The following NECAP1 variants were observed in gnomAD, a reference collection of about 807,000 sequenced individuals.
The protein encoded by NECAP1 is NECAP endocytosis associated 1.
NECAP1 carries 13 observed loss-of-function variants against 33.4 expected under a neutral mutation model. The ratio of observed to expected loss-of-function variants is 0.39; its 90% CI spans 0.25 to 0.62. The LOEUF (loss-of-function observed/expected upper bound fraction) is 0.62. Ranked by LOEUF, NECAP1 falls within the 20% of genes least tolerant of loss-of-function variation. The probability of loss-of-function intolerance (pLI) is 0.52; values close to 1 mark genes in which losing one functional copy is unlikely to be tolerated. For missense variants in NECAP1, 272 were observed against 347.4 expected, an observed-to-expected ratio of 0.78 and a Z score of 1.73; for synonymous variants, 109 against 125.2, an observed-to-expected ratio of 0.87 and a Z score of 0.86.
intron 1 of NECAP1, among the ~76,000 whole-genome samples, chr12:8,088,386 A>G (rs746517425): frequency 6.6e-6 from 1 of 152,154 alleles, no homozygotes; most frequent in Non-Finnish European, 1.5e-5. Context: ...CTTGGCTTCT[A>G]TCCCCTATCT....
At position 8,087,858 on chromosome 12, in the gene NECAP1, G is replaced by A. The variant is rs577592539; in HGVS notation, c.96-2078G>A. 8.5e-5 allele frequency among the ~76,000 whole-genome samples: 13 copies of A among 152,180 alleles called. No individual in the cohort carries two copies. The South Asian group carries it at 2.7e-3, about 32-fold the overall frequency. ...GAATCAAGAGGGAAGAGAATGGGAAGGACTTATTTTACAGATCCTGTTCAA... is the reference window on the plus strand; with the variant it reads ...GAATCAAGAGGGAAGAGAATGGGAAAGACTTATTTTACAGATCCTGTTCAA... On this transcript the variant is annotated intron_variant, in intron 1 of 7. Coordinates refer to ENST00000339754, the MANE Select transcript of NECAP1 (RefSeq NM_015509.4).
Position 8,093,027 on chromosome 12 carries a change from G to A in NECAP1, c.648G>A (p.Pro216=), listed in dbSNP as rs370869772. The A allele has an allele frequency of 2.7e-5, 43 of 1,613,732 alleles. No individual in the cohort carries two copies. The highest frequency in any genetic ancestry group is 1.6e-4 in the East Asian group (7 of 44,868). ...ATCATGTCACCCCACCACCCATTCC[G>A]AAATCTAACCATGGAGGCAGTGATG... is the stretch of plus-strand genomic sequence containing the variant. ...ISNHVTPPPI[P]KSNHGGSDAD... is the part of the protein sequence containing the mutation. Residue 216 remains proline, a synonymous_variant, in exon 6 of 8, where the codon CCG becomes CCA. Coordinates refer to ENST00000339754, the MANE Select transcript of NECAP1 (RefSeq NM_015509.4).
At chr12:8,095,215 C>G (rs1947583440) in intron 6 of NECAP1, 2 of 171,810 alleles carry the variant, frequency 1.2e-5, no homozygotes, top group South Asian at 2.3e-4. Flanking sequence ...TTTGTGCAAA[C>G]ATAAATTCTC....
intron 1 of NECAP1, among the ~76,000 whole-genome samples, chr12:8,084,581 T>C (rs1168790950): frequency 6.6e-6 from 1 of 152,032 alleles, no homozygotes; most frequent in East Asian, 1.9e-4. Flanking sequence ...TGTGTGTTGT[T>C]CCCCTCCCTG....
intron 1 of NECAP1, among the ~76,000 whole-genome samples, chr12:8,086,887 C>T (rs569067158): frequency 6.6e-5 from 10 of 151,632 alleles, no homozygotes; most frequent in Non-Finnish European, 8.8e-5. Flanking sequence ...GCCAAGATCG[C>T]GCCATTGCAC....
chr12:8,088,034 CTT>C (rs958610179), intron 1 of NECAP1, among the ~76,000 whole-genome samples: 3 of 152,066 alleles, frequency 2.0e-5, no homozygotes, highest in Admixed American at 6.6e-5. Flanking sequence ...TTATTAATAA[CTT>C]TTACTTTGCT....
intron 1 of NECAP1, among the ~76,000 whole-genome samples, chr12:8,084,833 C>A (rs956583317): frequency 3.3e-5 from 5 of 152,066 alleles, no homozygotes; most frequent in African/African-American, 1.2e-4. Flanking sequence ...GTATCTGGTA[C>A]ACTTTGGGCA....
Position 8,089,976 on chromosome 12 carries a change from C to T in NECAP1, c.136C>T (p.Arg46Cys), listed in dbSNP as rs202044480. The T allele has an allele frequency of 4.2e-5, 68 of 1,613,972 alleles. No individual in the cohort carries two copies. Among genetic ancestry groups the T allele is most frequent in the Non-Finnish European group, 5.6e-5 (66 of 1,180,042 alleles). Residue 46 changes from arginine to cysteine, a missense_variant, in exon 2 of 8, where the codon CGC becomes TGC. By Grantham distance (180) the Arg-to-Cys change is radical. Coordinates refer to ENST00000339754, the MANE Select transcript of NECAP1 (RefSeq NM_015509.4). ...WKLDQPDWTGRLRITSKGKTA... is the reference protein window; with the variant it reads ...WKLDQPDWTGCLRITSKGKTA... ...ATTAGACCAGCCTGATTGGACTGGT[C>T]GCCTCCGAATCACTTCAAAAGGGAA... is the stretch of plus-strand genomic sequence containing the variant.
intron 1 of NECAP1, among the ~76,000 whole-genome samples, chr12:8,087,250 T>C (rs1947499907): frequency 7.1e-6 from 1 of 139,952 alleles, no homozygotes. Flanking sequence ...TGAATCATCA[T>C]AGTGGTTTTT....
chr12:8,091,988 C>A (rs144622788), intron 4 of NECAP1, 138 bp downstream of exon 4: 3 of 762,046 alleles, frequency 3.9e-6, no homozygotes, highest in East Asian at 2.7e-5. Flanking sequence ...TCTCCCCATT[C>A]ACTTTTGTTT....
At chr12:8,085,691 T>C (rs879477514) in intron 1 of NECAP1, among the ~76,000 whole-genome samples, 40,318 of 110,200 alleles carry the variant, frequency 0.37, 6,540 homozygotes, top group Middle Eastern at 0.46. Context: ...ATCTTCTTTT[T>C]TTTTTTTTTT....
Position 8,096,188 on chromosome 12 carries a change from A to C in NECAP1, c.*98A>C, listed in dbSNP as rs1191446917. On this transcript the variant is annotated 3_prime_UTR_variant, in exon 8 of 8. Coordinates refer to ENST00000339754, the MANE Select transcript of NECAP1 (RefSeq NM_015509.4). The stretch of plus-strand genomic sequence containing the variant: ...AGTTAGGAACCCATTTCCTCCCCAG[A>C]ACCAGAATGACTGGACAATCTTTTT... The C allele has an allele frequency of 8.1e-7, 1 of 1,231,274 alleles. No homozygotes were observed. Among genetic ancestry groups the C allele is most frequent in the Admixed American group, 2.0e-5 (1 of 49,266 alleles). 76.3% of individuals were successfully genotyped at this position (1,231,274 alleles called of 1,614,324 possible). A position where few individuals can be genotyped will look rare whatever the true frequency, so the allele number is the denominator to read the frequency against.
chr12:8,084,134 C>G (rs2120456258), intron 1 of NECAP1, among the ~76,000 whole-genome samples: 1 of 152,250 alleles, frequency 6.6e-6, no homozygotes, highest in Non-Finnish European at 1.5e-5. Flanking sequence ...AAGTTACCCT[C>G]TCCTTATGTC....
intron 1 of NECAP1, among the ~76,000 whole-genome samples, chr12:8,085,696 T>C (rs1457053174): frequency 4.4e-5 from 6 of 137,352 alleles, no homozygotes; most frequent in Non-Finnish European, 9.4e-5. Context: ...CTTTTTTTTT[T>C]TTTTTTTTTT....
chr12:8,084,541 C>T (rs1947469997), intron 1 of NECAP1, among the ~76,000 whole-genome samples: 2 of 152,070 alleles, frequency 1.3e-5, no homozygotes, highest in Non-Finnish European at 1.5e-5. Context: ...ATCAACCTGT[C>T]ATCCTCGCCC....
intron 6 of NECAP1, chr12:8,093,783 T>C (rs1254480312): frequency 6.6e-6 from 1 of 151,904 alleles, no homozygotes; most frequent in African/African-American, 2.4e-5. Flanking sequence ...AATAAAATAA[T>C]TACCACCCCA....
intron 3 of NECAP1, chr12:8,091,447 T>C: frequency 3.2e-6 from 1 of 316,182 alleles, no homozygotes. Context: ...TAGACGGGGG[T>C]GATGGGAGAC....
chr12:8,085,686 C>CTTTTTTTTTT (rs554942626), intron 1 of NECAP1, among the ~76,000 whole-genome samples: 10 of 104,832 alleles, frequency 9.5e-5, no homozygotes, highest in African/African-American at 3.4e-4. Flanking sequence ...ACTTAATCTT[C>CTTTTTTTTTT]TTTTTTTTTT....
intron 6 of NECAP1, 35 bp downstream of exon 6, chr12:8,093,090 TC>T (rs1231516582): frequency 6.3e-7 from 1 of 1,592,610 alleles, no homozygotes; most frequent in Admixed American, 1.7e-5. Context: ...AGAAATCCAA[TC>T]TTATGTTTTA....
Sources: gnomAD v4.1 joint callset for allele counts (sites outside exome capture counted in the v4.1 genomes callset) on GRCh38, gnomAD v4.1.1 for gene constraint, MANE v1.5 for transcripts, NCBI Gene and HGNC (gene_info 2026-07-23, HGNC 2026-07-21) for gene names.